The following UNC80 variants were observed in gnomAD, a reference collection of about 807,000 sequenced individuals.
UNC80 encodes unc-80 subunit of NALCN channel complex.
A neutral mutation model predicts 384.6 loss-of-function variants in UNC80; 164 were observed. The ratio of observed to expected loss-of-function variants is 0.43; its 90% CI spans 0.38 to 0.49. The LOEUF (loss-of-function observed/expected upper bound fraction) is 0.49. UNC80 is among the 20% of genes least tolerant of loss of function. UNC80 has a pLI of 0.00. For synonymous variants in UNC80, 1,486 were observed against 1,527.8 expected (o/e 0.97, Z 0.64); for missense variants, 3,330 against 4,143.0 (o/e 0.80, Z 5.39).
At chr2:209,931,734 G>A (rs1046482978) in intron 38 of UNC80, among the ~76,000 whole-genome samples, 6 of 152,140 alleles carry the variant, frequency 3.9e-5, no homozygotes, top group African/African-American at 1.4e-4. Flanking sequence ...CAACCCCCAT[G>A]TGCAGAGAAC....
chr2:209,986,418 G>A (rs2093288696), intron 61 of UNC80, among the ~76,000 whole-genome samples: 1 of 152,110 alleles, frequency 6.6e-6, no homozygotes, highest in Non-Finnish European at 1.5e-5. Flanking sequence ...CAAGTATTTG[G>A]CCCTCTCTGG....
chr2:209,776,056 C>T lies in UNC80; in HGVS notation c.298+11C>T, dbSNP rs183381359. The T allele has an allele frequency of 7.6e-5, 123 of 1,613,672 alleles. 2 individuals are homozygous for T. The highest frequency in any genetic ancestry group is 3.3e-4 in the Admixed American group (20 of 59,964). ...ACCGAAACAAGCTAGGTTGGTGCCC[C>T]GCATTACTTCTTTATTGCATGTGAT... On this transcript the variant is annotated intron_variant, in intron 3 of 64. Transcript: ENST00000673920.
chr2:209,775,833 G>T, intron 2 of UNC80, 56 bp from the exon 3 acceptor site: 1 of 1,562,720 alleles, frequency 6.4e-7, no homozygotes, highest in Non-Finnish European at 8.7e-7. Context: ...CAATTTCTTA[G>T]TTTACGTGGT....
chr2:209,795,927 A>T (rs375032715), intron 7 of UNC80: 1 of 152,252 alleles, frequency 6.6e-6, no homozygotes, highest in African/African-American at 2.4e-5. Flanking sequence ...CCCCACACAG[A>T]GTCCCTAATG....
chr2:209,900,743 C>T (rs2087304747), intron 28 of UNC80, among the ~76,000 whole-genome samples: 1 of 152,090 alleles, frequency 6.6e-6, no homozygotes, highest in South Asian at 2.1e-4. Context: ...GTTGTGATTT[C>T]AAAGGAAAAG....
At chr2:209,863,134 T>G (rs1256556759) in intron 22 of UNC80, among the ~76,000 whole-genome samples, 4 of 152,248 alleles carry the variant, frequency 2.6e-5, no homozygotes, top group African/African-American at 9.6e-5. Context: ...TTGAAAATTC[T>G]TTTTCTTAAG....
At chr2:209,870,010 C>A (rs560491362) in intron 22 of UNC80, among the ~76,000 whole-genome samples, 1 of 152,068 alleles carries the variant, frequency 6.6e-6, no homozygotes, top group Non-Finnish European at 1.5e-5. Flanking sequence ...ATATAAGAAG[C>A]CTTACATATC....
At chr2:209,845,206 C>T (rs1354264473) in intron 21 of UNC80, 1 of 152,228 alleles carries the variant, frequency 6.6e-6, no homozygotes, top group African/African-American at 2.4e-5. Flanking sequence ...TGCGGACACC[C>T]TGATCTCAGA....
chr2:209,886,822 A>G (rs2124905396), intron 25 of UNC80, among the ~76,000 whole-genome samples: 1 of 152,316 alleles, frequency 6.6e-6, no homozygotes, highest in Non-Finnish European at 1.5e-5. Context: ...ACAAACTACC[A>G]GAAATTTAGC....
At chr2:209,990,053 A>C (rs2093363950) in intron 61 of UNC80, among the ~76,000 whole-genome samples, 1 of 152,156 alleles carries the variant, frequency 6.6e-6, no homozygotes, top group Non-Finnish European at 1.5e-5. Context: ...CTAAATACTA[A>C]AGCTATAAAC....
chr2:209,923,201 G>A (rs1222679047), intron 35 of UNC80, among the ~76,000 whole-genome samples: 2 of 151,948 alleles, frequency 1.3e-5, no homozygotes, highest in Non-Finnish European at 1.5e-5. Flanking sequence ...TTTTAATTAG[G>A]TCCAATGTGT....
At chr2:209,793,312 A>G (rs1177614620) in intron 6 of UNC80, among the ~76,000 whole-genome samples, 1 of 152,168 alleles carries the variant, frequency 6.6e-6, no homozygotes, top group Non-Finnish European at 1.5e-5. Flanking sequence ...TTCTGTTCTC[A>G]TGTTCTGGCT....
At chr2:209,940,249 G>A (rs529183641) in intron 43 of UNC80, among the ~76,000 whole-genome samples, 18 of 152,220 alleles carry the variant, frequency 1.2e-4, no homozygotes, top group African/African-American at 4.1e-4. Flanking sequence ...CTCTGGATTT[G>A]GAGGGAATGA....
intron 4 of UNC80, among the ~76,000 whole-genome samples, chr2:209,780,153 A>T (rs1247128382): frequency 6.6e-6 from 1 of 152,218 alleles, no homozygotes; most frequent in African/African-American, 2.4e-5. Context: ...GAAAAGGAGC[A>T]AGATCTCCCT....
chr2:209,979,710 A>G (rs1369817643), intron 59 of UNC80, among the ~76,000 whole-genome samples: 1 of 152,214 alleles, frequency 6.6e-6, no homozygotes. Flanking sequence ...GGGTCTTAAT[A>G]TTGCATTAAT....
intron 27 of UNC80, 139 bp from the exon 28 acceptor site, chr2:209,896,174 A>G: frequency 1.4e-6 from 1 of 703,278 alleles, no homozygotes; most frequent in Admixed American, 2.4e-5. Flanking sequence ...TCCTCCAACA[A>G]AGTCAATGCT....
intron 43 of UNC80, among the ~76,000 whole-genome samples, chr2:209,939,856 C>T (rs2091511756): frequency 6.6e-6 from 1 of 152,154 alleles, no homozygotes; most frequent in Non-Finnish European, 1.5e-5. Context: ...CCTAAACGCA[C>T]TTGTTTTGTT....
At chr2:209,955,726 TATATATATATATACACACACAC>T (rs1317855238) in intron 48 of UNC80, among the ~76,000 whole-genome samples, 3 of 80,624 alleles carry the variant, frequency 3.7e-5, no homozygotes, top group African/African-American at 2.6e-4. Flanking sequence ...TATATATATA[TATATATATATATACACACACAC>T]ACACACACAC....
chr2:209,969,032 T>A (rs1469698727), intron 52 of UNC80: 2 of 152,218 alleles, frequency 1.3e-5, no homozygotes, highest in African/African-American at 2.4e-5. Context: ...TCCATTTCGC[T>A]AGAAAATATA....
Sources: gnomAD v4.1 joint callset for allele counts (sites outside exome capture counted in the v4.1 genomes callset) on GRCh38, gnomAD v4.1.1 for gene constraint, MANE v1.5 for transcripts, NCBI Gene and HGNC (gene_info 2026-07-23, HGNC 2026-07-21) for gene names.